The following TENM2 variants were observed in gnomAD, a reference collection of about 807,000 sequenced individuals.
The protein encoded by TENM2 is teneurin transmembrane protein 2.
In TENM2, 52 loss-of-function variants were observed where a neutral mutation model predicts 245.2. The observed-to-expected ratio is 0.21, with a 90% CI of 0.17 to 0.27. TENM2 has a LOEUF of 0.27. Among genes scored for constraint, TENM2 ranks in the 10% least tolerant of loss-of-function variants. The pLI is 1.00. For missense variants in TENM2, 3,046 were observed against 3,666.8 expected (o/e 0.83, Z 4.37); for synonymous variants, 1,363 against 1,438.9 (o/e 0.95, Z 1.19).
chr5:168,149,259 C>A (rs556051250), intron 12 of TENM2, among the ~76,000 whole-genome samples: 2 of 152,096 alleles, frequency 1.3e-5, no homozygotes, highest in African/African-American at 2.4e-5. Context: ...TGTCCTGATG[C>A]GGCACGATGC....
At chr5:167,803,303 A>G (rs1238710053) in intron 2 of TENM2, among the ~76,000 whole-genome samples, 2 of 152,136 alleles carry the variant, frequency 1.3e-5, no homozygotes, top group Non-Finnish European at 2.9e-5. Context: ...TAAGCCTATC[A>G]GCTCTGTCTA....
chr5:167,076,133 A>C, the TENM2 span, among the ~76,000 whole-genome samples: 30 of 152,270 alleles, frequency 2.0e-4, no homozygotes, highest in South Asian at 5.6e-3. Flanking sequence ...CATACAAAAA[A>C]ATCAACCTTT....
At chr5:167,632,699 CAT>C (rs142599498) in intron 2 of TENM2, among the ~76,000 whole-genome samples, 2,218 of 152,168 alleles carry the variant, frequency 0.015, 49 homozygotes, top group African/African-American at 0.05. Flanking sequence ...ATACATGGAA[CAT>C]GTGTGTGTGT....
At chr5:167,032,955 G>A in the TENM2 span, among the ~76,000 whole-genome samples, 4 of 152,026 alleles carry the variant, frequency 2.6e-5, no homozygotes, top group African/African-American at 7.2e-5. Context: ...ATTCTCACCT[G>A]AATGACTTTC....
intron 2 of TENM2, among the ~76,000 whole-genome samples, chr5:167,405,913 C>G (rs13162461): frequency 0.15 from 22,242 of 151,934 alleles, 1,866 homozygotes; most frequent in Non-Finnish European, 0.19. Context: ...TCCAGGATTT[C>G]AAAAACCCCC....
chr5:168,232,153 G>C (rs1438149979), intron 25 of TENM2, among the ~76,000 whole-genome samples: 1 of 152,182 alleles, frequency 6.6e-6, no homozygotes, highest in Non-Finnish European at 1.5e-5. Context: ...TAGGAGGAGA[G>C]GGACAGTAAG....
intron 2 of TENM2, among the ~76,000 whole-genome samples, chr5:167,527,560 G>A (rs1466996597): frequency 6.6e-6 from 1 of 152,170 alleles, no homozygotes; most frequent in Non-Finnish European, 1.5e-5. Context: ...AAAGACGGGA[G>A]AAGATGCTCC....
At chr5:167,258,777 C>G in the TENM2 span, among the ~76,000 whole-genome samples, 26 of 151,938 alleles carry the variant, frequency 1.7e-4, no homozygotes, top group Admixed American at 1.2e-3. Flanking sequence ...ATACAGAAAA[C>G]CTGGGAGAAG....
chr5:167,778,813 A>G (rs1763985362), intron 2 of TENM2, among the ~76,000 whole-genome samples: 1 of 151,618 alleles, frequency 6.6e-6, no homozygotes, highest in African/African-American at 2.4e-5. Flanking sequence ...TTTGAAAGTC[A>G]TGTGTGTGTG....
intron 27 of TENM2, among the ~76,000 whole-genome samples, chr5:168,251,541 C>T (rs906843681): frequency 2.0e-5 from 3 of 152,160 alleles, no homozygotes; most frequent in Admixed American, 6.5e-5. Flanking sequence ...AGCCCACGCT[C>T]GGGCAGAGAC....
At chr5:168,061,435 G>C (rs1790029397) in intron 6 of TENM2, among the ~76,000 whole-genome samples, 1 of 152,122 alleles carries the variant, frequency 6.6e-6, no homozygotes, top group Non-Finnish European at 1.5e-5. Context: ...AGTTCTGAAG[G>C]ATACTGAGTG....
chr5:167,670,669 T>C (rs1755877558), intron 2 of TENM2, among the ~76,000 whole-genome samples: 1 of 152,176 alleles, frequency 6.6e-6, no homozygotes, highest in South Asian at 2.1e-4. Context: ...ACGTTCACAG[T>C]GAGCCTGACT....
intron 12 of TENM2, among the ~76,000 whole-genome samples, chr5:168,134,270 G>A (rs1287581808): frequency 6.6e-6 from 1 of 152,144 alleles, no homozygotes; most frequent in Admixed American, 6.5e-5. Flanking sequence ...TAAAATGGGG[G>A]ATACCAAATA....
Position 167,427,456 on chromosome 5 carries a change from A to G in TENM2, c.502+51983A>G, listed in dbSNP as rs530286492. On this transcript the variant is annotated intron_variant, in intron 2 of 28. Transcript: ENST00000518659. ...TGACAAGAGTGAAACATCTCAGGAA[A>G]AAAAGAAAGGAAGGAAGGGAAGGAA... Among the ~76,000 whole-genome samples the G allele has an allele frequency of 2.0e-5, 3 of 151,756 alleles. No homozygotes were observed. The East Asian group carries it at 5.9e-4, about 30-fold the overall frequency.
the TENM2 span, among the ~76,000 whole-genome samples, chr5:167,249,200 G>C: frequency 6.6e-6 from 1 of 152,096 alleles, no homozygotes; most frequent in South Asian, 2.1e-4. Flanking sequence ...CATATCTTTA[G>C]GTCATGTTCA....
chr5:167,409,891 A>C (rs1257390674), intron 2 of TENM2, among the ~76,000 whole-genome samples: 1 of 151,938 alleles, frequency 6.6e-6, no homozygotes, highest in Non-Finnish European at 1.5e-5. Context: ...TGATGTTGAG[A>C]ATCTTCTTTG....
intron 22 of TENM2, 119 bp downstream of exon 24, chr5:168,217,041 C>G (rs1273342839): frequency 8.5e-7 from 1 of 1,177,554 alleles, no homozygotes; most frequent in East Asian, 2.4e-5. Flanking sequence ...ATACAGATCA[C>G]GGGGTTGTTT....
intron 2 of TENM2, among the ~76,000 whole-genome samples, chr5:167,624,945 A>G (rs575131434): frequency 2.7e-4 from 41 of 152,274 alleles, no homozygotes; most frequent in African/African-American, 9.9e-4. Flanking sequence ...TTCATTAAGA[A>G]ACTATTCACC....
chr5:167,553,687 G>C (rs1246808389), intron 2 of TENM2, among the ~76,000 whole-genome samples: 1 of 152,200 alleles, frequency 6.6e-6, no homozygotes, highest in African/African-American at 2.4e-5. Flanking sequence ...ATGGTGCCTG[G>C]CTAATTTCCC....
Sources: allele counts gnomAD v4.1 joint callset (sites outside exome capture counted in the v4.1 genomes callset), GRCh38; gene constraint gnomAD v4.1.1; transcripts MANE v1.5; gene names NCBI Gene and HGNC (gene_info 2026-07-23, HGNC 2026-07-21).